TENM4: variants seen among roughly 807,000 people sequenced by gnomAD.
The protein encoded by TENM4 is teneurin-4.
Under a neutral mutation model 243.3 loss-of-function variants are expected in TENM4, and 82 were observed. The observed-to-expected ratio is 0.34, with a 90% confidence interval of 0.28 to 0.40. TENM4 has a LOEUF of 0.40. TENM4 is among the 10% of genes least tolerant of loss of function. TENM4 has a pLI of 1.00. For missense variants in TENM4, 3,138 were observed against 3,673.3 expected (o/e 0.85, Z 3.77); for synonymous variants, 1,412 against 1,456.3 (o/e 0.97, Z 0.69).
chr11:79,381,868 G>C lies in TENM4; in HGVS notation c.-321+58641C>G, dbSNP rs574473848. On this transcript the variant is annotated intron_variant, in intron 1 of 33. Coordinates refer to ENST00000278550, the MANE Select transcript of TENM4 (RefSeq NM_001098816.3). The stretch of plus-strand genomic sequence containing the variant: ...CAGAGGCAGGATCTGGACCAAGGCC[G>C]TCCTGTTCCAGAGCCCACACACCAC... Among the ~76,000 whole-genome samples, 7 of 152,104 alleles carry C rather than the reference G, an allele frequency of 4.6e-5. No homozygotes were observed. In the East Asian group the frequency reaches 1.4e-3, roughly 29 times the overall value.
chr11:79,013,203 G>T (rs1858693145), intron 6 of TENM4, among the ~76,000 whole-genome samples: 1 of 152,066 alleles, frequency 6.6e-6, no homozygotes, highest in African/African-American at 2.4e-5. Flanking sequence ...GGTATTTCCT[G>T]ACTTAGATCC....
intron 33 of TENM4, among the ~76,000 whole-genome samples, chr11:78,661,075 A>G (rs990528423): frequency 1.3e-5 from 2 of 152,232 alleles, no homozygotes; most frequent in Non-Finnish European, 2.9e-5. Flanking sequence ...TGAGTTACAT[A>G]GAATAACTCA....
intron 3 of TENM4, among the ~76,000 whole-genome samples, chr11:79,193,401 A>T (rs1343851972): frequency 6.6e-6 from 1 of 152,062 alleles, no homozygotes; most frequent in African/African-American, 2.4e-5. Flanking sequence ...ATGTGGTGGG[A>T]TCATTTTTGA....
At chr11:79,357,144 G>A (rs1470603782) in intron 1 of TENM4, among the ~76,000 whole-genome samples, 1 of 152,226 alleles carries the variant, frequency 6.6e-6, no homozygotes, top group Non-Finnish European at 1.5e-5. Flanking sequence ...TTCATTGAGT[G>A]ACTGTGGGCA....
intron 15 of TENM4, among the ~76,000 whole-genome samples, chr11:78,789,120 G>T (rs992337562): frequency 5.3e-5 from 8 of 152,122 alleles, no homozygotes; most frequent in Non-Finnish European, 1.0e-4. Flanking sequence ...ACCAAGCACA[G>T]ATCCTGGTAT....
chr11:79,055,776 C>G (rs1389807636), intron 6 of TENM4, among the ~76,000 whole-genome samples: 1 of 152,132 alleles, frequency 6.6e-6, no homozygotes, highest in African/African-American at 2.4e-5. Flanking sequence ...CACTCAATTC[C>G]TAAGTAGCTG....
At chr11:79,325,704 G>A (rs1465019587) in intron 1 of TENM4, among the ~76,000 whole-genome samples, 1 of 152,174 alleles carries the variant, frequency 6.6e-6, no homozygotes, top group Non-Finnish European at 1.5e-5. Context: ...ACTCTACCCA[G>A]GCGCTCAGTG....
intron 1 of TENM4, among the ~76,000 whole-genome samples, chr11:79,304,074 C>A (rs1372709159): frequency 6.6e-6 from 1 of 152,172 alleles, no homozygotes; most frequent in Non-Finnish European, 1.5e-5. Flanking sequence ...GGCATCTGAA[C>A]CTCCAGGCTT....
intron 6 of TENM4, among the ~76,000 whole-genome samples, chr11:79,051,507 T>G (rs965098019): frequency 1.3e-5 from 2 of 152,244 alleles, no homozygotes; most frequent in African/African-American, 4.8e-5. Context: ...TAGTTCTATA[T>G]TCCTGTCTCC....
intron 17 of TENM4, among the ~76,000 whole-genome samples, chr11:78,773,448 C>A: frequency 6.6e-6 from 1 of 152,162 alleles, no homozygotes; most frequent in East Asian, 1.9e-4. Context: ...CTTCTACTCA[C>A]CTTTACCTTC....
At chr11:79,067,099 T>C (rs1196798057) in intron 5 of TENM4, among the ~76,000 whole-genome samples, 1 of 152,174 alleles carries the variant, frequency 6.6e-6, no homozygotes, top group Non-Finnish European at 1.5e-5. Context: ...ATGATCCAGT[T>C]ACTAAACAAA....
intron 1 of TENM4, among the ~76,000 whole-genome samples, chr11:79,437,469 T>C (rs909363788): frequency 6.6e-6 from 1 of 152,172 alleles, no homozygotes; most frequent in African/African-American, 2.4e-5. Context: ...GGCTGGAACT[T>C]GGCCTGGAAC....
intron 1 of TENM4, among the ~76,000 whole-genome samples, chr11:79,402,811 G>A (rs1157945793): frequency 6.6e-6 from 1 of 152,210 alleles, no homozygotes; most frequent in East Asian, 1.9e-4. Context: ...CAAACATGAA[G>A]TTGTCAATAT....
At chr11:79,036,334 C>A (rs1014200955) in intron 6 of TENM4, among the ~76,000 whole-genome samples, 3 of 152,236 alleles carry the variant, frequency 2.0e-5, no homozygotes, top group African/African-American at 7.2e-5. Flanking sequence ...CACCAGCTAT[C>A]TTTGATTGGC....
In TENM4 at chr11:79,406,603, T is replaced by C. The variant is rs946085875; in HGVS notation, c.-321+33906A>G. Among the ~76,000 whole-genome samples, 7 of 152,084 alleles carry C rather than the reference T, an allele frequency of 4.6e-5. No homozygotes were observed. The South Asian group carries it at 8.3e-4, about 18-fold the overall frequency. On this transcript the variant is annotated intron_variant, in intron 1 of 33. Transcript: ENST00000278550. ...CGTGCTTAGGTAACACACGCAACCA[T>C]TTGGTCCCAGTCCCCCGTGGAAAAC... is the stretch of plus-strand genomic sequence containing the variant.
At chr11:78,764,315 T>C (rs958086247) in intron 18 of TENM4, among the ~76,000 whole-genome samples, 6 of 152,218 alleles carry the variant, frequency 3.9e-5, no homozygotes, top group African/African-American at 9.6e-5. Context: ...AACTGGGAAT[T>C]TGGTCCATTA....
At chr11:79,183,302 C>T (rs540809683) in intron 3 of TENM4, among the ~76,000 whole-genome samples, 4 of 152,124 alleles carry the variant, frequency 2.6e-5, no homozygotes, top group South Asian at 2.1e-4. Flanking sequence ...GAAGTCAATC[C>T]GAAAAGTCTA....
At chr11:78,764,775 G>A (rs1264254308) in intron 18 of TENM4, among the ~76,000 whole-genome samples, 2 of 152,194 alleles carry the variant, frequency 1.3e-5, no homozygotes, top group Admixed American at 6.5e-5. Context: ...GGTGTAGTGG[G>A]GCAGACAGAG....
intron 6 of TENM4, 162 bp from the exon 7 acceptor site, chr11:78,903,685 C>T: frequency 8.4e-7 from 1 of 1,189,686 alleles, no homozygotes; most frequent in Non-Finnish European, 1.2e-6. Flanking sequence ...TTATTGAGCA[C>T]CTACCATTCT....
Sources: gnomAD v4.1 joint callset for allele counts (sites outside exome capture counted in the v4.1 genomes callset) on GRCh38, gnomAD v4.1.1 for gene constraint, MANE v1.5 for transcripts, NCBI Gene and HGNC (gene_info 2026-07-23, HGNC 2026-07-21) for gene names.